Variants in ZFYVE28 observed in about 807,000 individuals in gnomAD.
The protein encoded by ZFYVE28 is zinc finger FYVE-type containing 28.
ZFYVE28 carries 40 observed loss-of-function variants against 82.1 expected under a neutral mutation model. The ratio of observed to expected loss-of-function variants is 0.49; its 90% confidence interval spans 0.38 to 0.63. The LOEUF is 0.63. Among genes scored for constraint, ZFYVE28 ranks in the 30% least tolerant of loss-of-function variants. The probability of loss-of-function intolerance (pLI) is 0.00; values close to 1 mark genes in which losing one functional copy is unlikely to be tolerated. For missense variants in ZFYVE28, 1,321 were observed against 1,242.1 expected (o/e 1.06, Z -0.96); for synonymous variants, 612 against 546.1 (o/e 1.12, Z -1.68).
At chr4:2,397,439 C>T (rs565288247) in intron 1 of ZFYVE28, among the ~76,000 whole-genome samples, 8 of 146,254 alleles carry the variant, frequency 5.5e-5, no homozygotes, top group Non-Finnish European at 8.9e-5. Context: ...GAGTGCACCA[C>T]TGCACTCCAG....
intron 1 of ZFYVE28, among the ~76,000 whole-genome samples, chr4:2,374,771 G>A (rs994385661): frequency 2.0e-5 from 3 of 152,182 alleles, no homozygotes; most frequent in Admixed American, 6.5e-5. Context: ...AACATCAGAC[G>A]CTGTGGCTCC....
chr4:2,412,735 T>G (rs755657117), intron 1 of ZFYVE28, among the ~76,000 whole-genome samples: 4 of 152,172 alleles, frequency 2.6e-5, no homozygotes, highest in Non-Finnish European at 5.9e-5. Flanking sequence ...TTACCAGCTC[T>G]CAGATGTGCA....
chr4:2,382,379 A>C (rs1387068755), intron 1 of ZFYVE28, among the ~76,000 whole-genome samples: 1 of 152,236 alleles, frequency 6.6e-6, no homozygotes, highest in African/African-American at 2.4e-5. Context: ...AGCAGCTGGG[A>C]GGGAGGCTGT....
At chr4:2,283,567 C>T (rs941332829) in intron 8 of ZFYVE28, among the ~76,000 whole-genome samples, 2 of 147,708 alleles carry the variant, frequency 1.4e-5, no homozygotes, top group South Asian at 2.1e-4. Flanking sequence ...ACCATCCAAC[C>T]GTCCATCCAC....
chr4:2,337,370 G>C (rs369518706), intron 5 of ZFYVE28, 37 bp downstream of exon 5: 175 of 1,555,760 alleles, frequency 1.1e-4, no homozygotes, highest in Non-Finnish European at 1.5e-4. Flanking sequence ...GGACTCCCCA[G>C]ATGCTGCCCC....
At chr4:2,369,242 C>T (rs1157484794) in intron 1 of ZFYVE28, among the ~76,000 whole-genome samples, 2 of 152,220 alleles carry the variant, frequency 1.3e-5, no homozygotes, top group Non-Finnish European at 1.5e-5. Context: ...TCTGCTTTCT[C>T]ACATCAGAGC....
At chr4:2,282,691 G>A (rs1410563267) in intron 8 of ZFYVE28, among the ~76,000 whole-genome samples, 1 of 152,236 alleles carries the variant, frequency 6.6e-6, no homozygotes, top group African/African-American at 2.4e-5. Flanking sequence ...CTAGGAGTCT[G>A]TGAAAGAAGA....
intron 8 of ZFYVE28, among the ~76,000 whole-genome samples, chr4:2,301,397 T>C (rs1272920577): frequency 6.6e-6 from 1 of 152,132 alleles, no homozygotes; most frequent in African/African-American, 2.4e-5. Flanking sequence ...GAACCGAACA[T>C]GTACTGTCCT....
intron 6 of ZFYVE28, among the ~76,000 whole-genome samples, chr4:2,331,608 C>T (rs1052611087): frequency 1.3e-5 from 2 of 152,158 alleles, no homozygotes; most frequent in Non-Finnish European, 2.9e-5. Context: ...CTCCCCAGGA[C>T]GCGTGTCTCA....
At chr4:2,398,010 G>A (rs1229492915) in intron 1 of ZFYVE28, among the ~76,000 whole-genome samples, 1 of 147,904 alleles carries the variant, frequency 6.8e-6, no homozygotes, top group Non-Finnish European at 1.5e-5. Context: ...GAATGGAGGG[G>A]GCGGGGTGGG....
At chr4:2,336,390 A>T (rs1368652053) in intron 5 of ZFYVE28, among the ~76,000 whole-genome samples, 4 of 152,204 alleles carry the variant, frequency 2.6e-5, no homozygotes, top group African/African-American at 7.2e-5. Flanking sequence ...TTTGCTTTTT[A>T]AAAATAACAA....
chr4:2,383,388 C>A (rs542429903), intron 1 of ZFYVE28, among the ~76,000 whole-genome samples: 28 of 152,156 alleles, frequency 1.8e-4, no homozygotes, highest in African/African-American at 6.8e-4. Flanking sequence ...GCCACCTCCA[C>A]GCAGGAAGTG....
chr4:2,393,876 A>G (rs1041090607), intron 1 of ZFYVE28, among the ~76,000 whole-genome samples: 1 of 152,152 alleles, frequency 6.6e-6, no homozygotes, highest in Admixed American at 6.5e-5. Context: ...AAATCACTAC[A>G]AACTCCACGG....
intron 1 of ZFYVE28, among the ~76,000 whole-genome samples, chr4:2,354,969 C>CA (rs1453635669): frequency 6.6e-6 from 1 of 151,556 alleles, no homozygotes; most frequent in Non-Finnish European, 1.5e-5. Context: ...ACTCTACGCT[C>CA]AGAGGTTCCC....
chr4:2,292,628 AACAG>A (rs1560148705), intron 8 of ZFYVE28, among the ~76,000 whole-genome samples: 1 of 152,232 alleles, frequency 6.6e-6, no homozygotes, highest in Non-Finnish European at 1.5e-5. Context: ...ATGATAATTC[AACAG>A]ACAGTCTGCT....
Position 2,305,180 on chromosome 4 carries a change from C to G in ZFYVE28, c.1160G>C (p.Arg387Thr). 2 of 1,597,282 alleles carry G rather than the reference C, an allele frequency of 1.3e-6. No individual in the cohort carries two copies. Among genetic ancestry groups the G allele is most frequent in the Non-Finnish European group, 1.7e-6 (2 of 1,169,416 alleles). ...GTCACTGCCTGACCGCAGGCGCGGT[C>G]TACCTGGAGAGGCCTCCCCGCCTGG... Reference protein sequence around the residue: ...GSPGGEASPGRPRLRSGSDEE... With the variant: ...GSPGGEASPGTPRLRSGSDEE... The change falls in exon 8 of 13, where the codon AGA becomes ACA. Residue 387 changes from arginine to threonine, a missense_variant. Physicochemically the swap from Arg to Thr is moderately conservative, Grantham distance 71. Around this residue, in one of 2 missense-constraint regions of ZFYVE28, gnomAD observed 978 missense variants for 833.7 expected, o/e 1.17. Coordinates refer to ENST00000290974, the MANE Select transcript of ZFYVE28 (RefSeq NM_020972.3).
Position 2,417,782 on chromosome 4 carries a change from T to A in ZFYVE28, c.39+503A>T, listed in dbSNP as rs1184041459. On this transcript the variant is annotated intron_variant, in intron 1 of 12. Transcript: ENST00000290974. This position sits in a 1 kb window ranked among gnomAD's most constrained non-coding sequence, Gnocchi z 4.8. The stretch of plus-strand genomic sequence containing the variant: ...TGGGTTCTCTCAGAACCTGGGGAAG[T>A]GGGGAGAGGGTCTGTTCTGGAGTGC... 1.5e-5 allele frequency among the ~76,000 whole-genome samples: 2 copies of A among 137,146 alleles called. No homozygotes were observed. The allele number at this position is 137,146 out of a possible 152,430, so 90.0% of individuals were successfully genotyped here.
At chr4:2,363,501 T>TGG (rs35019057) in intron 1 of ZFYVE28, among the ~76,000 whole-genome samples, 101,545 of 151,888 alleles carry the variant, frequency 0.67, 34,266 homozygotes, top group East Asian at 0.8. Context: ...GGCTCTAACC[T>TGG]GCGGCTGCTT....
chr4:2,279,645 G>T (rs1219422433), intron 8 of ZFYVE28, among the ~76,000 whole-genome samples: 2 of 151,990 alleles, frequency 1.3e-5, no homozygotes, highest in African/African-American at 4.8e-5. Flanking sequence ...GCCAGGCATG[G>T]TGGCGGGCGC....
Sources: gnomAD v4.1 joint callset for allele counts (sites outside exome capture counted in the v4.1 genomes callset) on GRCh38, gnomAD v4.1.1 for gene constraint, gnomAD v4.1.1 regional missense constraint, Gnocchi (gnomAD v3.1) non-coding constraint, MANE v1.5 for transcripts, NCBI Gene and HGNC (gene_info 2026-07-23, HGNC 2026-07-21) for gene names.